Variants in COL24A1 observed in about 807,000 individuals in gnomAD.
The protein encoded by COL24A1 is collagen alpha-1(XXIV) chain.
Under a neutral mutation model 253.9 loss-of-function variants are expected in COL24A1, and 224 were observed. That is an observed-to-expected ratio of 0.88 (90% CI 0.79 to 0.99). The LOEUF (loss-of-function observed/expected upper bound fraction) is 0.99. Ranked by LOEUF, COL24A1 falls within the 50% of genes least tolerant of loss-of-function variation. The probability of loss-of-function intolerance (pLI) is 0.00; values close to 1 mark genes in which losing one functional copy is unlikely to be tolerated. For missense variants in COL24A1, 2,131 were observed against 2,068.5 expected (o/e 1.03, Z -0.59); for synonymous variants, 685 against 673.7 (o/e 1.02, Z -0.26).
At chr1:86,042,238 C>T (rs1474835267) in intron 12 of COL24A1, among the ~76,000 whole-genome samples, 3 of 152,032 alleles carry the variant, frequency 2.0e-5, no homozygotes, top group Non-Finnish European at 2.9e-5. Context: ...AAAAACATTT[C>T]GAATGCCAAC....
At chr1:85,737,637 C>G (rs112745156) in intron 57 of COL24A1, 132 bp from the exon 58 acceptor site, 7 of 557,804 alleles carry the variant, frequency 1.3e-5, no homozygotes, top group African/African-American at 9.8e-5. Context: ...GATCTTGGCT[C>G]ACTGTAACCT....
chr1:85,857,458 CAAAAAA>C (rs57368737), intron 37 of COL24A1, among the ~76,000 whole-genome samples: 1 of 94,494 alleles, frequency 1.1e-5, no homozygotes, highest in African/African-American at 4.2e-5. Flanking sequence ...CCCTCTTCTC[CAAAAAA>C]AAAAAAAAAG....
At chr1:85,783,262 ATTCT>A (rs1669318304) in intron 51 of COL24A1, among the ~76,000 whole-genome samples, 1 of 139,224 alleles carries the variant, frequency 7.2e-6, no homozygotes. Context: ...AATTCTGATG[ATTCT>A]TTTTTTTTTT....
chr1:85,923,879 G>A (rs1686850610), intron 24 of COL24A1, among the ~76,000 whole-genome samples: 1 of 152,142 alleles, frequency 6.6e-6, no homozygotes, highest in East Asian at 1.9e-4. Context: ...ATGAATCCAT[G>A]AGCTGGTTTT....
chr1:86,012,985 C>T (rs1696657646), intron 19 of COL24A1, among the ~76,000 whole-genome samples: 1 of 152,080 alleles, frequency 6.6e-6, no homozygotes, highest in Non-Finnish European at 1.5e-5. Context: ...CTAATACATA[C>T]TGAACATTTC....
intron 42 of COL24A1, 76 bp downstream of exon 42, chr1:85,841,146 T>A: frequency 9.9e-7 from 1 of 1,014,154 alleles, no homozygotes; most frequent in Non-Finnish European, 1.5e-6. Flanking sequence ...TTGAAAAGAT[T>A]TAATTGGTGT....
intron 18 of COL24A1, among the ~76,000 whole-genome samples, chr1:86,020,746 T>G (rs1697455173): frequency 6.6e-6 from 1 of 152,202 alleles, no homozygotes; most frequent in East Asian, 1.9e-4. Context: ...AAGTATCTTA[T>G]TTTGCCAATC....
chr1:85,828,078 T>C (rs1355079116), intron 43 of COL24A1, among the ~76,000 whole-genome samples: 3 of 152,122 alleles, frequency 2.0e-5, no homozygotes, highest in Non-Finnish European at 4.4e-5. Flanking sequence ...AATTTCCCTC[T>C]ACACACTGCT....
At position 86,063,671 on chromosome 1, in the gene COL24A1, GT is replaced by G. The variant is rs760946058; in HGVS notation, c.1752+43del. On this transcript the variant is annotated intron_variant, in intron 8 of 59. Coordinates refer to ENST00000370571, the MANE Select transcript of COL24A1 (RefSeq NM_152890.7). Reference sequence around the variant, plus strand: ...CTCTCAAAGGAGTTCTCTAACATGTGTCTTTTTCACACATGATACAAGTCTT... The same window carrying G: ...CTCTCAAAGGAGTTCTCTAACATGTGCTTTTTCACACATGATACAAGTCTT... 3 of 1,389,756 alleles carry G rather than the reference GT, an allele frequency of 2.2e-6. No homozygotes were observed. The African/African-American group carries it at 4.4e-5, about 20-fold the overall frequency. The allele number at this position is 1,389,756 out of a possible 1,614,324, so 86.1% of individuals were successfully genotyped here.
intron 20 of COL24A1, among the ~76,000 whole-genome samples, chr1:85,981,962 G>T (rs1209130982): frequency 6.6e-6 from 1 of 152,114 alleles, no homozygotes; most frequent in Non-Finnish European, 1.5e-5. Context: ...CAGGATATTT[G>T]CACTGCTAGG....
intron 59 of COL24A1, among the ~76,000 whole-genome samples, chr1:85,733,968 T>C (rs1342543654): frequency 1.3e-5 from 2 of 151,540 alleles, no homozygotes; most frequent in African/African-American, 4.8e-5. Flanking sequence ...AGTGGTGCGA[T>C]CTTGGCTCAC....
chr1:85,977,387 A>G (rs1440314127), intron 20 of COL24A1, among the ~76,000 whole-genome samples: 1 of 152,242 alleles, frequency 6.6e-6, no homozygotes, highest in Non-Finnish European at 1.5e-5. Flanking sequence ...ATTGCCAGAT[A>G]AAGAATTCAG....
chr1:85,853,981 G>A (rs902959171), intron 37 of COL24A1, among the ~76,000 whole-genome samples: 2 of 152,086 alleles, frequency 1.3e-5, no homozygotes, highest in Middle Eastern at 3.2e-3. Flanking sequence ...AGGTTCATTT[G>A]TCAAGTTTTG....
At chr1:86,103,859 C>T (rs116275095) in intron 5 of COL24A1, among the ~76,000 whole-genome samples, 1,562 of 152,234 alleles carry the variant, frequency 0.01, 10 homozygotes, top group Non-Finnish European at 0.015. Flanking sequence ...GATTATGTGT[C>T]TTGGGGATGA....
intron 37 of COL24A1, among the ~76,000 whole-genome samples, chr1:85,858,392 ATTTTTTTCT>A (rs1678699135): frequency 6.9e-6 from 1 of 145,098 alleles, no homozygotes; most frequent in Admixed American, 6.7e-5. Context: ...GCTCTTTTTC[ATTTTTTTCT>A]TTTCTTTTTA....
At chr1:85,901,789 G>A (rs1440251919) in intron 28 of COL24A1, among the ~76,000 whole-genome samples, 2 of 113,802 alleles carry the variant, frequency 1.8e-5, no homozygotes, top group African/African-American at 6.9e-5. Flanking sequence ...TCCAGCCTGG[G>A]CAACAGGGTG....
intron 47 of COL24A1, among the ~76,000 whole-genome samples, chr1:85,806,962 C>A (rs1041775638): frequency 6.6e-6 from 1 of 152,198 alleles, no homozygotes; most frequent in African/African-American, 2.4e-5. Context: ...TCATCTTCAA[C>A]TAGCCAGATT....
chr1:86,112,694 C>A, intron 4 of COL24A1, 74 bp from the exon 5 acceptor site: 1 of 1,375,158 alleles, frequency 7.3e-7, no homozygotes, highest in Non-Finnish European at 1.0e-6. Context: ...TTACTTTCCT[C>A]TCAACATGTG....
intron 10 of COL24A1, among the ~76,000 whole-genome samples, chr1:86,054,841 C>CA (rs1700556300): frequency 1.3e-5 from 2 of 152,120 alleles, no homozygotes; most frequent in Admixed American, 1.3e-4. Context: ...CATCTGCACT[C>CA]ATATGTTTAT....
Sources: gnomAD v4.1 joint callset for allele counts (sites outside exome capture counted in the v4.1 genomes callset) on GRCh38, gnomAD v4.1.1 for gene constraint, MANE v1.5 for transcripts, NCBI Gene and HGNC (gene_info 2026-07-23, HGNC 2026-07-21) for gene names.